The following PTPRT variants were observed in gnomAD, a reference collection of about 807,000 sequenced individuals.
PTPRT encodes the protein protein tyrosine phosphatase receptor type T, also known as receptor-type tyrosine-protein phosphatase T.
In PTPRT, 56 loss-of-function variants were observed where a neutral mutation model predicts 176.8. The ratio of observed to expected loss-of-function variants is 0.32; its 90% CI spans 0.26 to 0.40. The LOEUF is 0.40. Ranked by LOEUF, PTPRT falls within the 10% of genes least tolerant of loss-of-function variation. The pLI is 1.00. For synonymous variants in PTPRT, 783 were observed against 739.0 expected (o/e 1.06, Z -0.96); for missense variants, 1,540 against 1,908.2 (o/e 0.81, Z 3.60).
At chr20:43,166,869 A>G (rs1005335597) in intron 1 of PTPRT, among the ~76,000 whole-genome samples, 1 of 152,170 alleles carries the variant, frequency 6.6e-6, no homozygotes, top group Non-Finnish European at 1.5e-5. Context: ...CTTCCCATCA[A>G]TTCTGCCCTA....
chr20:42,355,377 T>C (rs1349586953), intron 9 of PTPRT, among the ~76,000 whole-genome samples: 2 of 152,178 alleles, frequency 1.3e-5, no homozygotes, highest in African/African-American at 4.8e-5. Flanking sequence ...AAACTGCTCA[T>C]ATTCAAATCC....
intron 20 of PTPRT, among the ~76,000 whole-genome samples, chr20:42,119,383 A>G (rs897595641): frequency 1.3e-5 from 2 of 152,194 alleles, no homozygotes; most frequent in Non-Finnish European, 2.9e-5. Flanking sequence ...TATTCCTATT[A>G]TAGATAACAC....
chr20:42,057,743 A>G, the PTPRT span, among the ~76,000 whole-genome samples: 23 of 151,850 alleles, frequency 1.5e-4, no homozygotes, highest in Admixed American at 1.4e-3. Flanking sequence ...TAAACACCTC[A>G]CACCTGGAAA....
intron 1 of PTPRT, among the ~76,000 whole-genome samples, chr20:43,158,019 G>T (rs568857269): frequency 2.2e-4 from 27 of 123,966 alleles, no homozygotes; most frequent in African/African-American, 7.9e-4. Flanking sequence ...CTGCCATCTT[G>T]AGAGTAGATT....
At chr20:42,870,751 T>A (rs546079549) in intron 2 of PTPRT, among the ~76,000 whole-genome samples, 2 of 152,310 alleles carry the variant, frequency 1.3e-5, no homozygotes, top group Admixed American at 1.3e-4. Flanking sequence ...CTATTTTTTA[T>A]TTTTGGTTTT....
intron 6 of PTPRT, among the ~76,000 whole-genome samples, chr20:42,754,492 T>C (rs146786047): frequency 4.5e-4 from 68 of 152,256 alleles, no homozygotes; most frequent in African/African-American, 1.5e-3. Flanking sequence ...TTGGCCAGGC[T>C]GGTCTCGAAC....
chr20:42,659,792 C>T lies in PTPRT; in HGVS notation c.1153+18074G>A, dbSNP rs571890621. On this transcript the variant is annotated intron_variant, in intron 7 of 30. Coordinates refer to ENST00000373187, the MANE Select transcript of PTPRT (RefSeq NM_007050.6). Reference sequence around the variant, plus strand: ...GGGTCAAGTTTAAATGGATTCGCTGCTTAACCTTCAAATAAAAAAAATTCA... The same window carrying T: ...GGGTCAAGTTTAAATGGATTCGCTGTTTAACCTTCAAATAAAAAAAATTCA... 2.6e-5 allele frequency among the ~76,000 whole-genome samples: 4 copies of T among 152,276 alleles called. No homozygotes were observed. The South Asian group carries it at 8.3e-4, about 32-fold the overall frequency.
chr20:43,187,916 G>A (rs374827537), intron 1 of PTPRT, among the ~76,000 whole-genome samples: 16 of 152,198 alleles, frequency 1.1e-4, no homozygotes, highest in African/African-American at 3.4e-4. Flanking sequence ...AATAGTTGTG[G>A]GCGAGCGCCA....
At chr20:42,569,847 T>C (rs2073123877) in intron 7 of PTPRT, among the ~76,000 whole-genome samples, 1 of 152,202 alleles carries the variant, frequency 6.6e-6, no homozygotes, top group African/African-American at 2.4e-5. Context: ...ATGAGCTAAA[T>C]AAATGTTCAT....
intron 6 of PTPRT, among the ~76,000 whole-genome samples, chr20:42,684,361 G>A (rs1489416280): frequency 6.6e-6 from 1 of 151,896 alleles, no homozygotes; most frequent in Non-Finnish European, 1.5e-5. Context: ...AAAAAAATTA[G>A]TCTTTGTGCC....
chr20:42,636,919 T>A (rs1186688417), intron 7 of PTPRT, among the ~76,000 whole-genome samples: 1 of 152,110 alleles, frequency 6.6e-6, no homozygotes, highest in Non-Finnish European at 1.5e-5. Flanking sequence ...GATTCTATCA[T>A]ATTCTTACAG....
chr20:42,080,727 A>C lies in PTPRT; in HGVS notation c.*152T>G. The C allele has an allele frequency of 1.5e-6, 1 of 677,702 alleles. No homozygotes were observed. Among genetic ancestry groups the C allele is most frequent in the East Asian group, 2.7e-5 (1 of 37,168 alleles). The allele number at this position is 677,702 out of a possible 1,614,324, so 42.0% of individuals were successfully genotyped here. Reference sequence around the variant, plus strand: ...ACAGGAGACCCCTCAGAAGGTGCAGAGCCCCCCGTGGAACACAGGGCCACC... The same window carrying C: ...ACAGGAGACCCCTCAGAAGGTGCAGCGCCCCCCGTGGAACACAGGGCCACC... On this transcript the variant is annotated 3_prime_UTR_variant, in exon 31 of 31. Coordinates refer to ENST00000373187, the MANE Select transcript of PTPRT (RefSeq NM_007050.6).
In PTPRT at chr20:42,434,662, G is replaced by GAAAA. The variant is rs10626020; in HGVS notation, c.1560+13554_1560+13557dup. Among the ~76,000 whole-genome samples, 189 of 137,702 alleles carry GAAAA rather than the reference G, an allele frequency of 1.4e-3. 10 individuals are homozygous for GAAAA. Among genetic ancestry groups the GAAAA allele is most frequent in the Admixed American group, 2.5e-3 (34 of 13,666 alleles). The allele number at this position is 137,702 out of a possible 152,430, so 90.3% of individuals were successfully genotyped here. On this transcript the variant is annotated intron_variant, in intron 9 of 30. Coordinates refer to ENST00000373187, the MANE Select transcript of PTPRT (RefSeq NM_007050.6). The stretch of plus-strand genomic sequence containing the variant: ...AGAAAAGCCCATCCCATCTTCATAA[G>GAAAA]AAAAAAAAAAAAAAAGAGGCCAGGC...
At chr20:42,050,149 T>G in the PTPRT span, among the ~76,000 whole-genome samples, 1 of 152,222 alleles carries the variant, frequency 6.6e-6, no homozygotes, top group Non-Finnish European at 1.5e-5. Context: ...CCTTTTTCAT[T>G]GCTGGACTTA....
At chr20:42,797,593 C>T (rs1003368411) in intron 2 of PTPRT, among the ~76,000 whole-genome samples, 10 of 151,344 alleles carry the variant, frequency 6.6e-5, no homozygotes, top group African/African-American at 2.4e-4. Context: ...GAATAAGGGC[C>T]TCCCAAAGAT....
At chr20:42,627,626 T>A (rs1179173974) in intron 7 of PTPRT, among the ~76,000 whole-genome samples, 1 of 152,162 alleles carries the variant, frequency 6.6e-6, no homozygotes, top group African/African-American at 2.4e-5. Context: ...ACGGTCCTTT[T>A]ACCTGTATTT....
At chr20:43,029,542 G>A (rs1986051683) in intron 1 of PTPRT, among the ~76,000 whole-genome samples, 1 of 152,202 alleles carries the variant, frequency 6.6e-6, no homozygotes, top group African/African-American at 2.4e-5. Context: ...TTAGATCGGG[G>A]TATCACTTGT....
At chr20:42,374,652 C>T (rs1362175531) in intron 9 of PTPRT, among the ~76,000 whole-genome samples, 1 of 152,086 alleles carries the variant, frequency 6.6e-6, no homozygotes, top group African/African-American at 2.4e-5. Flanking sequence ...CACCAAGATA[C>T]ATATTACCAA....
rs1013260835 is a variant in PTPRT, at chr20:42,293,203, T to C, written c.2140-10678A>G. Among the ~76,000 whole-genome samples, 15 of 152,296 alleles carry C rather than the reference T, an allele frequency of 9.8e-5. No individual in the cohort carries two copies. The South Asian group carries it at 2.3e-3, about 23-fold the overall frequency. On this transcript the variant is annotated intron_variant, in intron 12 of 30. Transcript: ENST00000373187. ...TCAAACCCAACCTCTGAAAATCTTCTTGTAAGTTTTATCTCTACTTGCTGA... is the reference window on the plus strand; with the variant it reads ...TCAAACCCAACCTCTGAAAATCTTCCTGTAAGTTTTATCTCTACTTGCTGA...
Sources: allele counts gnomAD v4.1 joint callset (sites outside exome capture counted in the v4.1 genomes callset), GRCh38; gene constraint gnomAD v4.1.1; transcripts MANE v1.5; gene names NCBI Gene and HGNC (gene_info 2026-07-23, HGNC 2026-07-21).